The following ZEB2 variants were observed in gnomAD, a reference collection of about 807,000 sequenced individuals.
The protein encoded by ZEB2 is zinc finger E-box binding homeobox 2.
Under a neutral mutation model 99.9 loss-of-function variants are expected in ZEB2, and 6 were observed. That is an observed-to-expected ratio of 0.06 (90% confidence interval 0.03 to 0.12). ZEB2 has a LOEUF of 0.12. Ranked by LOEUF, ZEB2 falls within the 10% of genes least tolerant of loss-of-function variation. The probability of loss-of-function intolerance (pLI) is 1.00; values close to 1 mark genes in which losing one functional copy is unlikely to be tolerated. For missense variants in ZEB2, 969 were observed against 1,502.8 expected (o/e 0.64, Z 5.87); for synonymous variants, 517 against 542.5 (o/e 0.95, Z 0.65).
chr2:144,510,862 A>T (rs1335144872), intron 2 of ZEB2, among the ~76,000 whole-genome samples: 1 of 152,222 alleles, frequency 6.6e-6, no homozygotes, highest in Non-Finnish European at 1.5e-5. Flanking sequence ...TGGGAGAGAC[A>T]CAGCGGATCA....
chr2:144,406,124 C>T (rs1318769008), intron 4 of ZEB2, among the ~76,000 whole-genome samples: 1 of 151,948 alleles, frequency 6.6e-6, no homozygotes, highest in Admixed American at 6.6e-5. Flanking sequence ...TACTAATTCT[C>T]TTTGGCAACT....
rs112933478 is a variant in ZEB2 at position 144,414,966 on chromosome 2, G to GTGTGTT, written c.403+9829_403+9830insAACACA. Among the ~76,000 whole-genome samples, 914 of 150,042 alleles carry GTGTGTT rather than the reference G, an allele frequency of 6.1e-3. 13 individuals are homozygous for GTGTGTT. Among genetic ancestry groups the GTGTGTT allele is most frequent in the African/African-American group, 0.021 (869 of 40,904 alleles). On this transcript the variant is annotated intron_variant, in intron 4 of 9. Coordinates refer to ENST00000627532, the MANE Select transcript of ZEB2 (RefSeq NM_014795.4). ...AGAGTGTATGTGTGTGTGTGTGTGTGTTTGTATATGTGTGTGTAGAAAATT... is the reference window on the plus strand; with the variant it reads ...AGAGTGTATGTGTGTGTGTGTGTGTGTGTGTTTTTGTATATGTGTGTGTAGAAAATT...
intron 7 of ZEB2, among the ~76,000 whole-genome samples, chr2:144,400,793 G>A (rs1703300133): frequency 1.3e-5 from 2 of 152,172 alleles, no homozygotes; most frequent in Admixed American, 6.5e-5. Context: ...AGGAATCAGG[G>A]AGTATTTATC....
At chr2:144,504,640 G>C (rs986525257) in intron 2 of ZEB2, 1 of 151,730 alleles carries the variant, frequency 6.6e-6, no homozygotes, top group African/African-American at 2.4e-5. Flanking sequence ...ACCTCTGCGA[G>C]AAAAAAAACA....
intron 2 of ZEB2, among the ~76,000 whole-genome samples, chr2:144,505,673 C>T (rs923314547): frequency 6.6e-6 from 1 of 152,138 alleles, no homozygotes; most frequent in Non-Finnish European, 1.5e-5. Context: ...CCTGTCTCTG[C>T]ATTTATCACT....
In ZEB2 at chr2:144,445,265, CTTTT is replaced by C. The variant is rs11287771; in HGVS notation, c.74-15243_74-15240del. On this transcript the variant is annotated intron_variant, in intron 2 of 9. Coordinates refer to ENST00000627532, the MANE Select transcript of ZEB2 (RefSeq NM_014795.4). The stretch of plus-strand genomic sequence containing the variant: ...CTGCTTCTATCATTTCTTTCCTCCT[CTTTT>C]TTTTTTTTTTTTTTTTTTGATCAGA... Among the ~76,000 whole-genome samples the C allele has an allele frequency of 9.8e-4, 73 of 74,198 alleles. 2 individuals are homozygous for C. The highest frequency in any genetic ancestry group is 3.1e-3 in the South Asian group (6 of 1,918). 48.7% of individuals were successfully genotyped at this position (74,198 alleles called of 152,430 possible).
At position 144,396,598 on chromosome 2, in the gene ZEB2, A is replaced by G; in HGVS notation, c.2887-6T>C. 6.2e-7 allele frequency: 1 copy of G among 1,612,812 alleles called. No individual in the cohort carries two copies. The highest frequency in any genetic ancestry group is 8.5e-7 in the Non-Finnish European group (1 of 1,179,780). On this transcript the variant is annotated splice_polypyrimidine_tract_variant and splice_region_variant and intron_variant, in intron 8 of 9. Transcript: ENST00000627532. ...GCTCCATCAAGCAATTCTCCCTGCG[A>G]TAGAATCACACAGTTCAATACAGTG... is the stretch of plus-strand genomic sequence containing the variant.
At chr2:144,424,671 C>G (rs1441753230) in intron 4 of ZEB2, 125 bp downstream of exon 4, 1 of 1,151,218 alleles carries the variant, frequency 8.7e-7, no homozygotes, top group Admixed American at 1.9e-5. Context: ...AACCAGAGAC[C>G]TGTAAAGTTG....
intron 4 of ZEB2, among the ~76,000 whole-genome samples, chr2:144,405,737 CAGAG>C (rs1373656233): frequency 6.6e-6 from 1 of 151,850 alleles, no homozygotes; most frequent in Non-Finnish European, 1.5e-5. Flanking sequence ...TAAAAAGTAA[CAGAG>C]GGAGTTAAGA....
intron 2 of ZEB2, among the ~76,000 whole-genome samples, chr2:144,476,143 T>C (rs532303978): frequency 1.3e-5 from 2 of 152,340 alleles, no homozygotes; most frequent in East Asian, 3.9e-4. Flanking sequence ...TTTTTTCTAC[T>C]ACTTATCTTT....
At chr2:144,479,092 G>T (rs1704471084) in intron 2 of ZEB2, among the ~76,000 whole-genome samples, 1 of 152,142 alleles carries the variant, frequency 6.6e-6, no homozygotes. Flanking sequence ...ACTTATACGT[G>T]TTTTTGTCAG....
At position 144,401,065 on chromosome 2, in the gene ZEB2, G is replaced by A. The variant is rs867281760; in HGVS notation, c.916+134C>T. 1.4e-5 allele frequency: 11 copies of A among 791,816 alleles called. No homozygotes were observed. In the Middle Eastern group the frequency reaches 7.3e-4, roughly 53 times the overall value. 49.0% of individuals were successfully genotyped at this position (791,816 alleles called of 1,614,324 possible). A position where few individuals can be genotyped will look rare whatever the true frequency, so the allele number is the denominator to read the frequency against. On this transcript the variant is annotated intron_variant, in intron 7 of 9. Coordinates refer to ENST00000627532, the MANE Select transcript of ZEB2 (RefSeq NM_014795.4). ...CATAAGTCTCATGAACACAAATCAG[G>A]CACACAGAGTTGATGAAATAAATAG... is the stretch of plus-strand genomic sequence containing the variant.
At chr2:144,390,105 C>A (rs1239990471) in intron 9 of ZEB2, 77 bp from the exon 10 acceptor site, 6 of 1,451,154 alleles carry the variant, frequency 4.1e-6, no homozygotes, top group African/African-American at 1.4e-5. Context: ...GTACGCGAGT[C>A]CAGACTCAGG....
rs533785959 is a variant in ZEB2 at position 144,490,060 on chromosome 2, CTCAGTTTCCTGA to C, written c.73+27206_73+27217del. Among the ~76,000 whole-genome samples the C allele has an allele frequency of 1.4e-4, 21 of 152,264 alleles. No individual in the cohort carries two copies. In the South Asian group the frequency reaches 4.4e-3, roughly 32 times the overall value. ...GGGGGAATTACTAAAATTACCCTGC[CTCAGTTTCCTGA>C]TCAGTAAGCAGACAATGGGTTGGGA... On this transcript the variant is annotated intron_variant, in intron 2 of 9. Coordinates refer to ENST00000627532, the MANE Select transcript of ZEB2 (RefSeq NM_014795.4).
chr2:144,414,979 T>C (rs1703520300), intron 4 of ZEB2, among the ~76,000 whole-genome samples: 1 of 151,514 alleles, frequency 6.6e-6, no homozygotes, highest in Non-Finnish European at 1.5e-5. Flanking sequence ...TGTATATGTG[T>C]GTGTAGAAAA....
At chr2:144,403,600 T>C (rs1560608950) in intron 6 of ZEB2, among the ~76,000 whole-genome samples, 1 of 152,208 alleles carries the variant, frequency 6.6e-6, no homozygotes, top group Non-Finnish European at 1.5e-5. Context: ...CTGAGATGTT[T>C]AATAATGTAT....
At chr2:144,427,008 C>T (rs1031189295) in intron 3 of ZEB2, 4 of 152,156 alleles carry the variant, frequency 2.6e-5, no homozygotes, top group Non-Finnish European at 4.4e-5. Flanking sequence ...TTATGTCTAA[C>T]CTTAAACATT....
intron 9 of ZEB2, among the ~76,000 whole-genome samples, chr2:144,391,279 G>T (rs1703151341): frequency 6.6e-6 from 1 of 152,152 alleles, no homozygotes; most frequent in Admixed American, 6.5e-5. Flanking sequence ...TTCATTAATG[G>T]TCTTTATTTA....
intron 2 of ZEB2, among the ~76,000 whole-genome samples, chr2:144,506,844 A>C (rs896308465): frequency 2.6e-5 from 4 of 152,202 alleles, no homozygotes; most frequent in Non-Finnish European, 5.9e-5. Flanking sequence ...AAAAAATAAG[A>C]AACAGTATAT....
Sources: allele counts gnomAD v4.1 joint callset (sites outside exome capture counted in the v4.1 genomes callset), GRCh38; gene constraint gnomAD v4.1.1; transcripts MANE v1.5; gene names NCBI Gene and HGNC (gene_info 2026-07-23, HGNC 2026-07-21).